CHIC2: variants seen among roughly 807,000 people sequenced by gnomAD.
CHIC2 encodes the protein cysteine rich hydrophobic domain 2, also known as cysteine-rich hydrophobic domain-containing protein 2.
A neutral mutation model predicts 25.9 loss-of-function variants in CHIC2; 14 were observed. The ratio of observed to expected loss-of-function variants is 0.54; its 90% CI spans 0.36 to 0.85. The LOEUF is 0.85. Ranked by LOEUF, CHIC2 falls within the 40% of genes least tolerant of loss-of-function variation. CHIC2 has a pLI of 0.01. For synonymous variants in CHIC2, 70 were observed against 72.0 expected, an observed-to-expected ratio of 0.97 and a Z score of 0.14; for missense variants, 146 against 202.0, an observed-to-expected ratio of 0.72 and a Z score of 1.68.
At chr4:54,032,709 G>A (rs971268643) in intron 3 of CHIC2, among the ~76,000 whole-genome samples, 1 of 152,148 alleles carries the variant, frequency 6.6e-6, no homozygotes, top group African/African-American at 2.4e-5. Flanking sequence ...CAAAATTATA[G>A]TCAATCCATA....
At chr4:54,047,682 G>A (rs1198007894) in intron 3 of CHIC2, among the ~76,000 whole-genome samples, 2 of 151,168 alleles carry the variant, frequency 1.3e-5, no homozygotes, top group East Asian at 2.0e-4. Flanking sequence ...ATAGCATTAG[G>A]AGATATACCT....
At chr4:54,062,987 A>C (rs1717382871) in intron 1 of CHIC2, among the ~76,000 whole-genome samples, 1 of 152,246 alleles carries the variant, frequency 6.6e-6, no homozygotes, top group South Asian at 2.1e-4. Flanking sequence ...TACCCTGTTA[A>C]GTCACCTGAA....
At chr4:54,071,850 A>G in the CHIC2 span, among the ~76,000 whole-genome samples, 1 of 151,922 alleles carries the variant, frequency 6.6e-6, no homozygotes, top group Non-Finnish European at 1.5e-5. Context: ...GTATAAAATC[A>G]TATTTTCCAG....
At chr4:54,015,137 C>T (rs1470836702) in intron 3 of CHIC2, among the ~76,000 whole-genome samples, 1 of 151,970 alleles carries the variant, frequency 6.6e-6, no homozygotes, top group Non-Finnish European at 1.5e-5. Context: ...AGTTACATTA[C>T]CTTTTAGCAT....
chr4:54,049,382 A>T, intron 1 of CHIC2, 77 bp from the exon 2 acceptor site: 1 of 869,774 alleles, frequency 1.1e-6, no homozygotes, highest in Non-Finnish European at 1.8e-6. Flanking sequence ...TTTAAAGGTC[A>T]AGTCAATAGA....
At chr4:54,064,728 G>GGCGGGCGCGCGCACGT, upstream of CHIC2, 3 of 902,928 alleles carry the variant, frequency 3.3e-6, no homozygotes, top group South Asian at 5.0e-5. The surrounding 1 kb of genome is among the most constrained non-coding windows in gnomAD (Gnocchi z 4.2). Flanking sequence ...CTGGCGGGCG[G>GGCGGGCGCGCGCACGT]GCGGGCGCGC....
At chr4:54,048,010 CAG>C (rs1389955551) in intron 3 of CHIC2, among the ~76,000 whole-genome samples, 1 of 152,018 alleles carries the variant, frequency 6.6e-6, no homozygotes, top group Non-Finnish European at 1.5e-5. Context: ...TTTGTTGAGA[CAG>C]AGTTTCACTA....
intron 1 of CHIC2, among the ~76,000 whole-genome samples, chr4:54,062,622 T>C (rs1439955997): frequency 2.0e-5 from 3 of 152,170 alleles, no homozygotes; most frequent in African/African-American, 7.2e-5. Context: ...GCTTTTCTTC[T>C]CCTTAACAGA....
At chr4:54,081,901 G>T in the CHIC2 span, among the ~76,000 whole-genome samples, 1 of 152,272 alleles carries the variant, frequency 6.6e-6, no homozygotes, top group East Asian at 1.9e-4. Flanking sequence ...TTGTGGAGAA[G>T]CCATAGTTTT....
rs200375653 is a variant in CHIC2, at chr4:54,044,413, T to G, written c.330+4542A>C. Among the ~76,000 whole-genome samples, 8 of 152,264 alleles carry G rather than the reference T, an allele frequency of 5.3e-5. No individual in the cohort carries two copies. In the East Asian group the frequency reaches 1.5e-3, roughly 29 times the overall value. The stretch of plus-strand genomic sequence containing the variant: ...CACATAGTTGGCAGTAAAGCACTCC[T>G]CAGCAAATGTAAAAGAACAGAAATT... On this transcript the variant is annotated intron_variant, in intron 3 of 5. Transcript: ENST00000263921.
At chr4:54,040,219 T>C (rs1484981877) in intron 3 of CHIC2, among the ~76,000 whole-genome samples, 2 of 152,138 alleles carry the variant, frequency 1.3e-5, no homozygotes, top group African/African-American at 2.4e-5. Flanking sequence ...TTTTCAAAAA[T>C]AGGCAAAGGT....
intron 5 of CHIC2, among the ~76,000 whole-genome samples, chr4:54,012,046 C>G (rs1035640830): frequency 1.3e-5 from 2 of 151,854 alleles, no homozygotes; most frequent in Non-Finnish European, 1.5e-5. Context: ...ATTATTCTCA[C>G]TTTCAACTAT....
chr4:54,016,775 C>T (rs1012438414), intron 3 of CHIC2, among the ~76,000 whole-genome samples: 2 of 151,096 alleles, frequency 1.3e-5, no homozygotes, highest in African/African-American at 4.9e-5. Flanking sequence ...CAGAAAGGAA[C>T]CCTTGATTTG....
chr4:54,012,576 A>T (rs1021786379), intron 5 of CHIC2, among the ~76,000 whole-genome samples: 9 of 152,032 alleles, frequency 5.9e-5, no homozygotes, highest in Non-Finnish European at 1.0e-4. Flanking sequence ...TGTAGTAAAT[A>T]TTTTTTTCAC....
At chr4:54,041,321 A>G (rs1439523890) in intron 3 of CHIC2, among the ~76,000 whole-genome samples, 3 of 152,086 alleles carry the variant, frequency 2.0e-5, no homozygotes, top group Non-Finnish European at 4.4e-5. Flanking sequence ...ACAAGAAAGA[A>G]AACAGAAGTT....
At chr4:54,021,732 G>A (rs751084103) in intron 3 of CHIC2, among the ~76,000 whole-genome samples, 23 of 152,100 alleles carry the variant, frequency 1.5e-4, no homozygotes, top group African/African-American at 3.4e-4. Context: ...TCCATGGCCC[G>A]TTTGGCAACA....
At position 54,009,806 on chromosome 4, in the gene CHIC2, A is replaced by C. The variant is rs1406954375; in HGVS notation, c.*289T>G. On this transcript the variant is annotated 3_prime_UTR_variant, in exon 6 of 6. Transcript: ENST00000263921. ...CTGGCCACTTTTTATGCTAAGTTCA[A>C]ATGTATTTTTTTGATAATACAAAAA... The C allele has an allele frequency of 7.3e-6, 2 of 273,974 alleles. No homozygotes were observed. The highest frequency in any genetic ancestry group is 5.5e-5 in the East Asian group (1 of 18,204). 17.0% of individuals were successfully genotyped at this position (273,974 alleles called of 1,614,324 possible). A position where few individuals can be genotyped will look rare whatever the true frequency, so the allele number is the denominator to read the frequency against.
At chr4:54,057,164 T>C (rs566009195) in intron 1 of CHIC2, among the ~76,000 whole-genome samples, 1 of 152,320 alleles carries the variant, frequency 6.6e-6, no homozygotes, top group African/African-American at 2.4e-5. Flanking sequence ...CCATACCTCA[T>C]AGGAAAAGCT....
chr4:54,065,823 T>C (rs1717506012), upstream of CHIC2, among the ~76,000 whole-genome samples: 1 of 152,072 alleles, frequency 6.6e-6, no homozygotes, highest in South Asian at 2.1e-4. Context: ...AGGAGGTCAA[T>C]GAGGACAGTG....
Sources: gnomAD v4.1 joint callset for allele counts (sites outside exome capture counted in the v4.1 genomes callset) on GRCh38, gnomAD v4.1.1 for gene constraint, Gnocchi (gnomAD v3.1) non-coding constraint, MANE v1.5 for transcripts, NCBI Gene and HGNC (gene_info 2026-07-23, HGNC 2026-07-21) for gene names.